The following MTPN variants were observed in gnomAD, a reference collection of about 807,000 sequenced individuals.
MTPN encodes the protein granule cell differentiation protein.
Under a neutral mutation model 13.5 loss-of-function variants are expected in MTPN, and 2 were observed. The observed-to-expected ratio is 0.15, with a 90% CI of 0.06 to 0.47. The LOEUF (loss-of-function observed/expected upper bound fraction) is 0.47, where lower values mean the gene tolerates loss of function less well. MTPN is among the 20% of genes least tolerant of loss of function. The probability of loss-of-function intolerance (pLI) is 0.97; values close to 1 mark genes in which losing one functional copy is unlikely to be tolerated. For synonymous variants in MTPN, 46 were observed against 51.7 expected (o/e 0.89, Z 0.48); for missense variants, 79 against 137.9 (o/e 0.57, Z 2.14).
intron 1 of MTPN, among the ~76,000 whole-genome samples, chr7:135,964,073 GTCAATTTGGAAAAAA>G (rs1391214622): frequency 1.4e-4 from 21 of 151,960 alleles, no homozygotes; most frequent in African/African-American, 5.1e-4. Context: ...GGAAAAAATT[GTCAATTTGGAAAAAA>G]GACTAACAAT....
At chr7:135,951,068 G>A (rs938785972) in intron 2 of MTPN, among the ~76,000 whole-genome samples, 6 of 152,208 alleles carry the variant, frequency 3.9e-5, no homozygotes, top group South Asian at 2.1e-4. Context: ...GGGCCGGGTA[G>A]CATGGCATCC....
At chr7:135,973,372 T>C (rs1232022716) in intron 1 of MTPN, among the ~76,000 whole-genome samples, 1 of 151,500 alleles carries the variant, frequency 6.6e-6, no homozygotes, top group Non-Finnish European at 1.5e-5. Flanking sequence ...AAGAAGGTAG[T>C]CTTGGTAACC....
rs1202254076 is a variant in MTPN at position 135,953,072 on chromosome 7, A to C, written c.73-1442T>G. Among the ~76,000 whole-genome samples, 4 of 152,116 alleles carry C rather than the reference A, an allele frequency of 2.6e-5. No homozygotes were observed. In the East Asian group the frequency reaches 7.7e-4, roughly 29 times the overall value. ...AGAGCCCTATCATTTTACAGCCACT[A>C]TAAACCATTCTTTCAAACACACATA... On this transcript the variant is annotated intron_variant, in intron 1 of 3. Transcript: ENST00000393085.
chr7:135,957,295 A>G (rs1217078498), intron 1 of MTPN, among the ~76,000 whole-genome samples: 1 of 152,138 alleles, frequency 6.6e-6, no homozygotes, highest in Non-Finnish European at 1.5e-5. Context: ...CATAGAAACC[A>G]TAACATGCTT....
chr7:135,949,476 A>G (rs79044759), intron 3 of MTPN, among the ~76,000 whole-genome samples: 3,037 of 150,550 alleles, frequency 0.02, 101 homozygotes, highest in African/African-American at 0.072. Flanking sequence ...TCTTATCAGT[A>G]AGGTATAAAA....
intron 1 of MTPN, among the ~76,000 whole-genome samples, chr7:135,959,801 G>A (rs1454752416): frequency 6.6e-6 from 1 of 151,068 alleles, no homozygotes; most frequent in East Asian, 2.0e-4. Context: ...GTATTATTCA[G>A]GAGGAACATC....
chr7:135,947,133 T>C (rs2116368241), intron 3 of MTPN, among the ~76,000 whole-genome samples: 1 of 152,340 alleles, frequency 6.6e-6, no homozygotes, highest in East Asian at 1.9e-4. Context: ...TTTAGAGTTA[T>C]TCACATACTA....
At chr7:135,957,525 T>C (rs139154267) in intron 1 of MTPN, among the ~76,000 whole-genome samples, 1 of 152,080 alleles carries the variant, frequency 6.6e-6, no homozygotes, top group Non-Finnish European at 1.5e-5. Flanking sequence ...AAAGTGACAG[T>C]GCATGACCAG....
At chr7:135,931,559 G>C (rs945303113) in intron 3 of MTPN, among the ~76,000 whole-genome samples, 1 of 152,200 alleles carries the variant, frequency 6.6e-6, no homozygotes, top group African/African-American at 2.4e-5. Flanking sequence ...TCAGGGTCAA[G>C]TGGGAGAGAC....
At chr7:135,953,220 A>G (rs777636070) in intron 1 of MTPN, among the ~76,000 whole-genome samples, 1 of 152,220 alleles carries the variant, frequency 6.6e-6, no homozygotes, top group Non-Finnish European at 1.5e-5. Context: ...TACTTTGTCT[A>G]TGAAACTTTC....
At chr7:135,972,231 G>GCGCGCACACACACACACA (rs779296906) in intron 1 of MTPN, among the ~76,000 whole-genome samples, 131 of 124,702 alleles carry the variant, frequency 1.1e-3, no homozygotes, top group African/African-American at 3.1e-3. Context: ...GCACGCGCGC[G>GCGCGCACACACACACACA]CACACACACA....
chr7:135,953,480 C>A (rs1562933237), intron 1 of MTPN, among the ~76,000 whole-genome samples: 1 of 152,152 alleles, frequency 6.6e-6, no homozygotes, highest in African/African-American at 2.4e-5. Flanking sequence ...ACAGTACCTG[C>A]AGCTCATGGA....
At chr7:135,965,583 A>G (rs1220583156) in intron 1 of MTPN, among the ~76,000 whole-genome samples, 1 of 152,142 alleles carries the variant, frequency 6.6e-6, no homozygotes, top group Non-Finnish European at 1.5e-5. Flanking sequence ...ACAAGGAAGC[A>G]TGCACAAAAC....
At chr7:135,972,229 G>GCA (rs1554395884) in intron 1 of MTPN, among the ~76,000 whole-genome samples, 11 of 117,364 alleles carry the variant, frequency 9.4e-5, no homozygotes, top group Admixed American at 7.9e-4. Flanking sequence ...GCGCACGCGC[G>GCA]CGCACACACA....
chr7:135,936,727 AT>A (rs1421635884), intron 3 of MTPN, among the ~76,000 whole-genome samples: 1 of 152,196 alleles, frequency 6.6e-6, no homozygotes, highest in Non-Finnish European at 1.5e-5. Context: ...AACTAGGTTC[AT>A]TTGCCTACAG....
chr7:135,961,847 A>C (rs1205238734), intron 1 of MTPN, among the ~76,000 whole-genome samples: 2 of 152,156 alleles, frequency 1.3e-5, no homozygotes, highest in South Asian at 4.1e-4. Flanking sequence ...ATCTTGGTAC[A>C]TGATAAAGTG....
At chr7:135,936,337 T>C (rs1405526824) in intron 3 of MTPN, among the ~76,000 whole-genome samples, 1 of 152,118 alleles carries the variant, frequency 6.6e-6, no homozygotes, top group Non-Finnish European at 1.5e-5. Flanking sequence ...ATGCAAAAAT[T>C]AGCCAGGCAT....
rs910313596 is a variant in MTPN at position 135,927,636 on chromosome 7, T to C, written c.*2290A>G. 5.1e-5 allele frequency: 33 copies of C among 648,884 alleles called. No homozygotes were observed. The highest frequency in any genetic ancestry group is 9.3e-5 in the Non-Finnish European group (32 of 345,222). 40.2% of individuals were successfully genotyped at this position (648,884 alleles called of 1,614,324 possible). A position where few individuals can be genotyped will look rare whatever the true frequency, so the allele number is the denominator to read the frequency against. On this transcript the variant is annotated 3_prime_UTR_variant, in exon 4 of 4. Coordinates refer to ENST00000393085, the MANE Select transcript of MTPN (RefSeq NM_145808.4). ...GTCTGCCAAGTGGTTCAGAAATACA[T>C]TATAAATAACCTAGTTAAAAAAAGA...
At chr7:135,968,499 A>T (rs1206553414) in intron 1 of MTPN, among the ~76,000 whole-genome samples, 1 of 152,152 alleles carries the variant, frequency 6.6e-6, no homozygotes, top group African/African-American at 2.4e-5. Context: ...AGCTGCAAAA[A>T]AATTACTTTC....
Sources: allele counts gnomAD v4.1 joint callset (sites outside exome capture counted in the v4.1 genomes callset), GRCh38; gene constraint gnomAD v4.1.1; transcripts MANE v1.5; gene names NCBI Gene and HGNC (gene_info 2026-07-23, HGNC 2026-07-21).